Variants in DPYS observed in about 807,000 individuals in gnomAD.
The protein encoded by DPYS is dihydropyrimidine amidohydrolase.
Under a neutral mutation model 50.3 loss-of-function variants are expected in DPYS, and 39 were observed. That is an observed-to-expected ratio of 0.78 (90% confidence interval 0.60 to 1.01). DPYS has a LOEUF of 1.01. Among genes scored for constraint, DPYS ranks in the 50% least tolerant of loss-of-function variants. The probability of loss-of-function intolerance (pLI) is 0.00; values close to 1 mark genes in which losing one functional copy is unlikely to be tolerated. For synonymous variants in DPYS, 245 were observed against 250.7 expected (o/e 0.98, Z 0.22); for missense variants, 659 against 680.9 (o/e 0.97, Z 0.36).
chr8:104,403,264 C>T (rs1811883252), intron 7 of DPYS, among the ~76,000 whole-genome samples: 1 of 152,198 alleles, frequency 6.6e-6, no homozygotes, highest in Non-Finnish European at 1.5e-5. Context: ...TGCCCGGGTT[C>T]ACCCTAATCA....
At chr8:104,411,122 C>T (rs1812159421) in intron 7 of DPYS, among the ~76,000 whole-genome samples, 1 of 152,194 alleles carries the variant, frequency 6.6e-6, no homozygotes, top group South Asian at 2.1e-4. Flanking sequence ...TTATCCTTCA[C>T]TATGTTTATA....
intron 8 of DPYS, among the ~76,000 whole-genome samples, chr8:104,390,132 C>T (rs968690030): frequency 6.6e-6 from 1 of 152,340 alleles, no homozygotes; most frequent in African/African-American, 2.4e-5. Flanking sequence ...ATTGGCCCTA[C>T]CTTGGATCCA....
At chr8:104,380,604 C>G (rs1409627596) in intron 9 of DPYS, 2 of 154,020 alleles carry the variant, frequency 1.3e-5, no homozygotes, top group African/African-American at 2.4e-5. Flanking sequence ...AAAGAAAGAT[C>G]TGCATGTCAA....
At chr8:104,450,787 G>A (rs892286722) in intron 2 of DPYS, among the ~76,000 whole-genome samples, 11 of 152,200 alleles carry the variant, frequency 7.2e-5, no homozygotes, top group Admixed American at 3.9e-4. Flanking sequence ...TCATGAGTGG[G>A]AAGGCAGGCT....
chr8:104,402,486 G>A (rs1484908093), intron 7 of DPYS, among the ~76,000 whole-genome samples: 1 of 152,190 alleles, frequency 6.6e-6, no homozygotes, highest in Admixed American at 6.5e-5. Context: ...TAGGCTATTA[G>A]CCTGAATACT....
At position 104,451,415 on chromosome 8, in the gene DPYS, A is replaced by G. The variant is rs766357633; in HGVS notation, c.265-11T>C. ...TCCTGAGAGAGCAGCCTGGAATCATAAGAGGTTTTCAACAAATTAGCTATC... is the reference window on the plus strand; with the variant it reads ...TCCTGAGAGAGCAGCCTGGAATCATGAGAGGTTTTCAACAAATTAGCTATC... On this transcript the variant is annotated splice_polypyrimidine_tract_variant and intron_variant, in intron 1 of 9. Coordinates refer to ENST00000351513, the MANE Select transcript of DPYS (RefSeq NM_001385.3). 4 of 1,614,056 alleles carry G rather than the reference A, an allele frequency of 2.5e-6. No homozygotes were observed. Among genetic ancestry groups the G allele is most frequent in the Non-Finnish European group, 1.7e-6 (2 of 1,179,976 alleles).
In DPYS at chr8:104,466,719, T is replaced by C. The variant is rs761374401; in HGVS notation, c.202A>G (p.Thr68Ala). The C allele has an allele frequency of 5.9e-6, 9 of 1,534,576 alleles. No individual in the cohort carries two copies. In the Admixed American group the frequency reaches 5.9e-5, roughly 10 times the overall value. ...CCCATGAAGGGGAACTGCATGTGCGTGTGTGTGTCGATGCCTCCGGGCAGG... is the reference window on the plus strand; with the variant it reads ...CCCATGAAGGGGAACTGCATGTGCGCGTGTGTGTCGATGCCTCCGGGCAGG... The part of the protein sequence containing the change: ...LVLPGGIDTH[T>A]HMQFPFMGSR... The change falls in exon 1 of 10, where the codon ACG (threonine) becomes GCG (alanine). Residue 68 changes from threonine (T) to alanine (A), a missense_variant. Physicochemically the swap from Thr to Ala is moderately conservative, Grantham distance 58 (BLOSUM62 0). Coordinates refer to ENST00000351513, the MANE Select transcript of DPYS (RefSeq NM_001385.3).
At chr8:104,398,280 T>C (rs1359245495) in intron 7 of DPYS, among the ~76,000 whole-genome samples, 1 of 152,140 alleles carries the variant, frequency 6.6e-6, no homozygotes, top group Non-Finnish European at 1.5e-5. Flanking sequence ...CAATCCTGGG[T>C]TTAGGGCCAG....
At chr8:104,396,069 G>A (rs559137041) in intron 7 of DPYS, among the ~76,000 whole-genome samples, 8 of 152,348 alleles carry the variant, frequency 5.3e-5, no homozygotes, top group African/African-American at 1.7e-4. Flanking sequence ...GAATTATGGT[G>A]ATGAAAGATA....
chr8:104,437,088 G>A (rs1813178832), intron 4 of DPYS, among the ~76,000 whole-genome samples: 1 of 152,092 alleles, frequency 6.6e-6, no homozygotes, highest in Non-Finnish European at 1.5e-5. Context: ...GGTGAAAATA[G>A]TTAAAAGACA....
intron 1 of DPYS, among the ~76,000 whole-genome samples, chr8:104,463,050 C>G (rs550427901): frequency 6.6e-6 from 1 of 152,018 alleles, no homozygotes; most frequent in African/African-American, 2.4e-5. Flanking sequence ...ATCTAGTGAT[C>G]GATAAATAGA....
At chr8:104,458,632 C>A (rs1448110175) in intron 1 of DPYS, among the ~76,000 whole-genome samples, 1 of 152,136 alleles carries the variant, frequency 6.6e-6, no homozygotes. Flanking sequence ...AGAGAAGGAC[C>A]AGTGAATTTC....
intron 6 of DPYS, among the ~76,000 whole-genome samples, 185 bp from the exon 7 acceptor site, chr8:104,424,574 CAT>C (rs1311505731): frequency 6.6e-6 from 1 of 152,156 alleles, no homozygotes; most frequent in Admixed American, 6.5e-5. Flanking sequence ...GATGGGGTAA[CAT>C]ATGGAAGCCT....
rs781657979 is a variant in DPYS at position 104,424,359 on chromosome 8, C to T, written c.1123G>A (p.Val375Met). The T allele has an allele frequency of 2.5e-6, 4 of 1,613,838 alleles. No homozygotes were observed. The highest frequency in any genetic ancestry group is 3.4e-6 in the Non-Finnish European group (4 of 1,179,994). Reference protein sequence around the residue: ...HSGKMDENRFVAVTSTNAAKI... With the variant: ...HSGKMDENRFMAVTSTNAAKI... ...GCTGCATTTGTGCTGGTAACTGCCA[C>T]AAATCTGTTTTCATCCATTTTACCA... Residue 375 changes from valine to methionine, a missense_variant, in exon 7 of 10, where the codon GTG becomes ATG. Transcript: ENST00000351513.
At chr8:104,455,341 C>A (rs144249435) in intron 1 of DPYS, among the ~76,000 whole-genome samples, 1 of 152,152 alleles carries the variant, frequency 6.6e-6, no homozygotes, top group East Asian at 1.9e-4. Context: ...TGTTAAAGGG[C>A]AGAATTAAGG....
At chr8:104,418,371 C>A (rs1169473457) in intron 7 of DPYS, among the ~76,000 whole-genome samples, 1 of 152,088 alleles carries the variant, frequency 6.6e-6, no homozygotes, top group African/African-American at 2.4e-5. Flanking sequence ...ACATTACCAG[C>A]CTGCATTTAA....
intron 7 of DPYS, 46 bp downstream of exon 7, chr8:104,424,201 C>T: frequency 6.2e-7 from 1 of 1,613,814 alleles, no homozygotes; most frequent in Non-Finnish European, 8.5e-7. Context: ...CAAGTTAGTG[C>T]ATTTTCTCCA....
intron 7 of DPYS, among the ~76,000 whole-genome samples, chr8:104,411,002 C>G (rs575970065): frequency 1.3e-5 from 2 of 152,266 alleles, no homozygotes; most frequent in African/African-American, 4.8e-5. Flanking sequence ...ACGACCTCAA[C>G]TTAGGACAAT....
intron 7 of DPYS, among the ~76,000 whole-genome samples, chr8:104,393,795 CT>C (rs1409966120): frequency 6.6e-6 from 1 of 152,046 alleles, no homozygotes; most frequent in Non-Finnish European, 1.5e-5. Context: ...AATCTGAGTC[CT>C]TTTTTTCTTT....
Sources: allele counts gnomAD v4.1 joint callset (sites outside exome capture counted in the v4.1 genomes callset), GRCh38; gene constraint gnomAD v4.1.1; transcripts MANE v1.5; gene names NCBI Gene and HGNC (gene_info 2026-07-23, HGNC 2026-07-21).